GAB1: variants seen among roughly 807,000 people sequenced by gnomAD.
GAB1 encodes the protein GRB2 associated binding protein 1.
GAB1 carries 19 observed loss-of-function variants against 66.5 expected under a neutral mutation model. The ratio of observed to expected loss-of-function variants is 0.29; its 90% CI spans 0.20 to 0.42. The LOEUF (loss-of-function observed/expected upper bound fraction) is 0.42, where lower values mean the gene tolerates loss of function less well. GAB1 is among the 10% of genes least tolerant of loss of function. The pLI is 1.00. For synonymous variants in GAB1, 294 were observed against 301.4 expected, an observed-to-expected ratio of 0.98 and a Z score of 0.25; for missense variants, 732 against 858.5, an observed-to-expected ratio of 0.85 and a Z score of 1.84.
intron 1 of GAB1, among the ~76,000 whole-genome samples, chr4:143,376,109 C>T (rs1346237274): frequency 6.6e-6 from 1 of 151,742 alleles, no homozygotes. Flanking sequence ...CAGCACCCCT[C>T]CCCAACCCCC....
intron 1 of GAB1, chr4:143,350,003 C>G: frequency 1.9e-6 from 3 of 1,575,326 alleles, no homozygotes; most frequent in Non-Finnish European, 2.6e-6. Context: ...GCCTTGCCTC[C>G]GCGACCCCGG....
At chr4:143,365,026 C>T (rs1354308964) in intron 1 of GAB1, among the ~76,000 whole-genome samples, 7 of 151,518 alleles carry the variant, frequency 4.6e-5, no homozygotes, top group Non-Finnish European at 8.8e-5. Context: ...TACAGGCGCC[C>T]GCCACCACGC....
intron 1 of GAB1, among the ~76,000 whole-genome samples, chr4:143,363,589 T>C (rs528091817): frequency 1.3e-5 from 2 of 152,034 alleles, no homozygotes; most frequent in Admixed American, 6.6e-5. Context: ...AAATAAGCCA[T>C]TGGAGTGGAT....
At chr4:143,384,032 C>T (rs1730777286) in intron 1 of GAB1, among the ~76,000 whole-genome samples, 1 of 151,966 alleles carries the variant, frequency 6.6e-6, no homozygotes, top group East Asian at 1.9e-4. Flanking sequence ...ATGGTCGCAC[C>T]ACTGCACTCC....
At chr4:143,341,749 G>A (rs1166566544) in intron 1 of GAB1, among the ~76,000 whole-genome samples, 1 of 152,198 alleles carries the variant, frequency 6.6e-6, no homozygotes, top group East Asian at 1.9e-4. Context: ...CCTACTGGGT[G>A]GGCACCTGAC....
chr4:143,413,824 C>CCTTTTTTTTTTTTTTTTTTTTTTTTTT lies in GAB1; in HGVS notation c.73-1653_73-1652insCTTTTTTTTTTTTTTTTTTTTTTTTTT, dbSNP rs61697817. ...AGAGCATCCCCACCACCCCGCTGCC[C>CCTTTTTTTTTTTTTTTTTTTTTTTTTT]TTTTTTTTTTTTTTTTTTTTTTTTG... On this transcript the variant is annotated intron_variant, in intron 1 of 9. Transcript: ENST00000262994. Among the ~76,000 whole-genome samples, 5 of 67,834 alleles carry CCTTTTTTTTTTTTTTTTTTTTTTTTTT rather than the reference C, an allele frequency of 7.4e-5. 1 individual carries two copies. Among genetic ancestry groups the CCTTTTTTTTTTTTTTTTTTTTTTTTTT allele is most frequent in the African/African-American group, 4.7e-4 (5 of 10,604 alleles). 44.5% of individuals were successfully genotyped at this position (67,834 alleles called of 152,430 possible). A position where few individuals can be genotyped will look rare whatever the true frequency, so the allele number is the denominator to read the frequency against.
chr4:143,445,414 C>A (rs1246117994), intron 6 of GAB1, among the ~76,000 whole-genome samples: 1 of 152,052 alleles, frequency 6.6e-6, no homozygotes, highest in African/African-American at 2.4e-5. Context: ...CAGTTCATGT[C>A]TTTTACCCAT....
chr4:143,459,279 A>C, intron 6 of GAB1, 106 bp from the exon 7 acceptor site: 1 of 715,502 alleles, frequency 1.4e-6, no homozygotes, highest in Non-Finnish European at 2.5e-6. Context: ...AGGTGGTCTT[A>C]GGTTTACTCT....
chr4:143,402,280 T>G (rs1731819235), intron 1 of GAB1, among the ~76,000 whole-genome samples: 1 of 152,192 alleles, frequency 6.6e-6, no homozygotes, highest in Non-Finnish European at 1.5e-5. Context: ...ATTGAAGCAT[T>G]ATGGATTTTA....
At chr4:143,407,028 G>C (rs1732084115) in intron 1 of GAB1, among the ~76,000 whole-genome samples, 2 of 152,278 alleles carry the variant, frequency 1.3e-5, no homozygotes, top group East Asian at 1.9e-4. Flanking sequence ...AGGCAGACCA[G>C]CCTCATACCA....
At chr4:143,406,062 C>T (rs1732026315) in intron 1 of GAB1, among the ~76,000 whole-genome samples, 1 of 152,136 alleles carries the variant, frequency 6.6e-6, no homozygotes, top group South Asian at 2.1e-4. Context: ...CCTACTGTGA[C>T]TAATCATCTG....
At chr4:143,374,865 CCTTA>C (rs1224629779) in intron 1 of GAB1, among the ~76,000 whole-genome samples, 4 of 152,186 alleles carry the variant, frequency 2.6e-5, no homozygotes, top group Non-Finnish European at 2.9e-5. Context: ...ATCTGGCCTT[CCTTA>C]CTTACCTCTG....
At position 143,473,990 on chromosome 4, in the gene GAB1, T is replaced by C. The variant is rs1252554240; in HGVS notation, c.*4801T>C. On this transcript the variant is annotated 3_prime_UTR_variant, in exon 10 of 10. Coordinates refer to ENST00000262994, the MANE Select transcript of GAB1 (RefSeq NM_002039.4). Reference sequence around the variant, plus strand: ...GAGGAAGTTACCACCATCTCTGATATAGACACACTTTTTGAGTTGCAGTTT... The same window carrying C: ...GAGGAAGTTACCACCATCTCTGATACAGACACACTTTTTGAGTTGCAGTTT... 1.3e-5 allele frequency: 2 copies of C among 152,336 alleles called. No homozygotes were observed. Among genetic ancestry groups the C allele is most frequent in the Admixed American group, 6.5e-5 (1 of 15,298 alleles). The allele number at this position is 152,336 out of a possible 1,614,324, so 9.4% of individuals were successfully genotyped here.
At chr4:143,450,228 T>C (rs901640729) in intron 6 of GAB1, among the ~76,000 whole-genome samples, 11 of 152,190 alleles carry the variant, frequency 7.2e-5, no homozygotes, top group Non-Finnish European at 1.2e-4. Flanking sequence ...CATTAAAACT[T>C]ATAAAAATTT....
intron 1 of GAB1, among the ~76,000 whole-genome samples, chr4:143,364,684 T>G (rs1247072135): frequency 3.3e-5 from 5 of 152,006 alleles, no homozygotes; most frequent in Non-Finnish European, 5.9e-5. Flanking sequence ...TCCTTTGTTC[T>G]GGGGGATGGG....
intron 1 of GAB1, among the ~76,000 whole-genome samples, chr4:143,365,829 A>G (rs531047752): frequency 1.3e-5 from 2 of 152,350 alleles, no homozygotes; most frequent in African/African-American, 4.8e-5. Context: ...CTTTTGGATT[A>G]AAACTTTTCC....
At chr4:143,425,346 G>T in intron 2 of GAB1, 1 of 766,048 alleles carries the variant, frequency 1.3e-6, no homozygotes, top group Non-Finnish European at 2.4e-6. Flanking sequence ...CAATCCAATT[G>T]CTGGTCACTT....
At chr4:143,448,304 A>T (rs1464614115) in intron 6 of GAB1, among the ~76,000 whole-genome samples, 1 of 151,844 alleles carries the variant, frequency 6.6e-6, no homozygotes, top group Admixed American at 6.6e-5. Context: ...TGCTGGCCTT[A>T]TAAAATGAGT....
chr4:143,466,299 T>C (rs762827537), intron 9 of GAB1, 74 bp downstream of exon 9: 64 of 1,426,988 alleles, frequency 4.5e-5, no homozygotes, highest in Non-Finnish European at 6.1e-5. Context: ...TTATTTCCTT[T>C]GGGATAATTT....
Sources: allele counts gnomAD v4.1 joint callset (sites outside exome capture counted in the v4.1 genomes callset), GRCh38; gene constraint gnomAD v4.1.1; transcripts MANE v1.5; gene names NCBI Gene and HGNC (gene_info 2026-07-23, HGNC 2026-07-21).